Variants in PLEKHH1 observed in about 807,000 individuals in gnomAD.
PLEKHH1 encodes the protein pleckstrin homology, MyTH4 and FERM domain containing H1, also known as pleckstrin homology domain-containing family H member 1.
PLEKHH1 carries 104 observed loss-of-function variants against 160.0 expected under a neutral mutation model. The observed-to-expected ratio is 0.65, with a 90% CI of 0.55 to 0.76. The LOEUF (loss-of-function observed/expected upper bound fraction) is 0.76. Ranked by LOEUF, PLEKHH1 falls within the 30% of genes least tolerant of loss-of-function variation. The probability of loss-of-function intolerance (pLI) is 0.00; values close to 1 mark genes in which losing one functional copy is unlikely to be tolerated. For synonymous variants in PLEKHH1, 619 were observed against 678.4 expected (o/e 0.91, Z 1.36); for missense variants, 1,427 against 1,724.1 (o/e 0.83, Z 3.05).
chr14:67,561,954 C>A lies in PLEKHH1; in HGVS notation c.424C>A (p.Leu142Ile). 6.2e-7 allele frequency: 1 copy of A among 1,611,584 alleles called. No homozygotes were observed. Among genetic ancestry groups the A allele is most frequent in the Non-Finnish European group, 8.5e-7 (1 of 1,178,060 alleles). The change falls in exon 6 of 29, where the codon CTT (leucine) becomes ATT (isoleucine). Residue 142 changes from leucine (L) to isoleucine (I), a missense_variant and splice_region_variant. Physicochemically the swap from Leu to Ile is conservative, Grantham distance 5 (BLOSUM62 2). This residue lies in a region of PLEKHH1 where 831 missense variants were observed against 929.2 expected (regional missense o/e 0.89). Transcript: ENST00000329153. ...KEWVTLKLAK[L>I]EMENQHLKSH... is the part of the protein sequence containing the mutation. ...AATCTTCATTTTTCTTTTTGCTCAG[C>A]TTGAGATGGAGAATCAGCATCTGAA...
intron 15 of PLEKHH1, 146 bp from the exon 16 acceptor site, chr14:67,575,677 G>C: frequency 2.8e-6 from 2 of 725,956 alleles, no homozygotes; most frequent in Admixed American, 2.3e-5. Context: ...CTGCCAGCCT[G>C]GCTGGGATGC....
intron 2 of PLEKHH1, among the ~76,000 whole-genome samples, chr14:67,549,152 G>A (rs2034294236): frequency 6.6e-6 from 1 of 152,218 alleles, no homozygotes; most frequent in Non-Finnish European, 1.5e-5. Flanking sequence ...AAATCATCAT[G>A]GAATGGGTCT....
At chr14:67,550,724 T>C (rs2034363954) in intron 2 of PLEKHH1, among the ~76,000 whole-genome samples, 1 of 152,222 alleles carries the variant, frequency 6.6e-6, no homozygotes, top group Non-Finnish European at 1.5e-5. Flanking sequence ...AAGATGTATA[T>C]GGAATCTGGA....
intron 2 of PLEKHH1, among the ~76,000 whole-genome samples, chr14:67,544,190 AT>A (rs2034086002): frequency 6.6e-6 from 1 of 152,242 alleles, no homozygotes; most frequent in Non-Finnish European, 1.5e-5. Context: ...AAGGAAAATC[AT>A]TCACTGGCAC....
chr14:67,562,082 G>A (rs777058974), intron 6 of PLEKHH1, 47 bp downstream of exon 6: 3 of 1,604,580 alleles, frequency 1.9e-6, no homozygotes, highest in Non-Finnish European at 1.7e-6. Context: ...TGTTTGGTGG[G>A]TATGGGGCTG....
chr14:67,545,989 T>G (rs2034162107), intron 2 of PLEKHH1, among the ~76,000 whole-genome samples: 1 of 151,268 alleles, frequency 6.6e-6, no homozygotes, highest in Non-Finnish European at 1.5e-5. Flanking sequence ...ATTACAACAG[T>G]TAGAACCATT....
chr14:67,565,938 G>A (rs745720768), intron 7 of PLEKHH1, among the ~76,000 whole-genome samples: 2 of 152,124 alleles, frequency 1.3e-5, no homozygotes, highest in Admixed American at 1.3e-4. Flanking sequence ...TGGCCAACAT[G>A]GCGAAACCCC....
intron 2 of PLEKHH1, among the ~76,000 whole-genome samples, chr14:67,550,621 G>C (rs1481417045): frequency 6.6e-6 from 1 of 152,232 alleles, no homozygotes; most frequent in Non-Finnish European, 1.5e-5. Context: ...GAAAACGTGA[G>C]GGGAAGGGCT....
rs749453340 is a variant in PLEKHH1 at position 67,584,076 on chromosome 14, C to G, written c.3651C>G (p.Thr1217=). 2.5e-6 allele frequency: 4 copies of G among 1,613,968 alleles called. No individual in the cohort carries two copies. Among genetic ancestry groups the G allele is most frequent in the South Asian group, 1.1e-5 (1 of 91,076 alleles). Residue 1217 remains threonine (T), a synonymous_variant, in exon 26 of 29, where the codon ACC becomes ACG. Transcript: ENST00000329153. Reference sequence around the variant, plus strand: ...CTGAGTGCATCCGCATCTACCTGACCGTGGCCAGGAAATGGCCTTTCTTTG... The same window carrying G: ...CTGAGTGCATCCGCATCTACCTGACGGTGGCCAGGAAATGGCCTTTCTTTG... ...SPPECIRIYL[T]VARKWPFFGA...
chr14:67,579,538 C>T, intron 21 of PLEKHH1, 183 bp from the exon 22 acceptor site: 5 of 659,486 alleles, frequency 7.6e-6, no homozygotes, highest in East Asian at 2.8e-5. Flanking sequence ...AGTTCATTTA[C>T]AGTGGATAAG....
intron 27 of PLEKHH1, 128 bp downstream of exon 27, chr14:67,585,782 C>T: frequency 1.0e-6 from 1 of 995,242 alleles, no homozygotes; most frequent in Admixed American, 2.3e-5. Flanking sequence ...TGCCCAAGCA[C>T]CAGTCCTCTA....
intron 28 of PLEKHH1, chr14:67,586,364 C>G (rs999879420): frequency 7.1e-7 from 1 of 1,405,612 alleles, no homozygotes; most frequent in Non-Finnish European, 9.4e-7. Flanking sequence ...TTTATTCTCT[C>G]AAGCCCCAGC....
intron 2 of PLEKHH1, among the ~76,000 whole-genome samples, chr14:67,548,280 C>T (rs1251790278): frequency 6.6e-6 from 1 of 152,164 alleles, no homozygotes; most frequent in East Asian, 1.9e-4. Flanking sequence ...TAGTATCTAT[C>T]CACAAAAGAG....
chr14:67,576,096 A>C lies in PLEKHH1; in HGVS notation c.2352+91A>C. 1 of 1,051,348 alleles carries C rather than the reference A, an allele frequency of 9.5e-7. No homozygotes were observed. The highest frequency in any genetic ancestry group is 1.4e-6 in the Non-Finnish European group (1 of 717,058). 65.1% of individuals were successfully genotyped at this position (1,051,348 alleles called of 1,614,324 possible). ...TTTCTCCTGAGCTTCCCAAAATTCA[A>C]ATTTATTTCCTTTTGGACACTTTGG... On this transcript the variant is annotated intron_variant, in intron 16 of 28. Coordinates refer to ENST00000329153, the MANE Select transcript of PLEKHH1 (RefSeq NM_020715.3). This position sits in a 1 kb window ranked among gnomAD's most constrained non-coding sequence, Gnocchi z 4.0.
intron 2 of PLEKHH1, among the ~76,000 whole-genome samples, chr14:67,547,153 A>T (rs1271760411): frequency 6.6e-6 from 1 of 152,180 alleles, no homozygotes; most frequent in Admixed American, 6.5e-5. Flanking sequence ...TGATGAGTCA[A>T]GAAAGGGGAA....
At position 67,589,469 on chromosome 14, in the gene PLEKHH1, CT is replaced by C. The variant is rs2036301212; in HGVS notation, c.*2236del. 1.0e-6 allele frequency: 1 copy of C among 985,038 alleles called. No individual in the cohort carries two copies. The highest frequency in any genetic ancestry group is 4.7e-5 in the South Asian group (1 of 21,288). 61.0% of individuals were successfully genotyped at this position (985,038 alleles called of 1,614,324 possible). On this transcript the variant is annotated 3_prime_UTR_variant, in exon 29 of 29. Transcript: ENST00000329153. ...TGAGTAACAGAAAAGTATTAATGTG[CT>C]TGACACCATGACTGAAATACTATGA...
chr14:67,587,466 A>G lies in PLEKHH1; in HGVS notation c.*231A>G, dbSNP rs558559469. On this transcript the variant is annotated 3_prime_UTR_variant, in exon 29 of 29. Coordinates refer to ENST00000329153, the MANE Select transcript of PLEKHH1 (RefSeq NM_020715.3). ...GTTAAAACCATTTATTCCTTTTTTC[A>G]TAAGAATAATGACTCCAGATGCTAC... is the stretch of plus-strand genomic sequence containing the variant. 79 of 565,592 alleles carry G rather than the reference A, an allele frequency of 1.4e-4. No individual in the cohort carries two copies. Among genetic ancestry groups the G allele is most frequent in the African/African-American group, 1.4e-3 (72 of 53,188 alleles). The allele number at this position is 565,592 out of a possible 1,614,324, so 35.0% of individuals were successfully genotyped here. A position where few individuals can be genotyped will look rare whatever the true frequency, so the allele number is the denominator to read the frequency against.
Position 67,575,430 on chromosome 14 carries a change from T to C in PLEKHH1, c.2127T>C (p.Leu709=). Reference sequence around the variant, plus strand: ...ACTCCAAGGTGGTCTGGTGCGCTCTTGTTGGGAAAATCTTCTACTACTATC... The same window carrying C: ...ACTCCAAGGTGGTCTGGTGCGCTCTCGTTGGGAAAATCTTCTACTACTATC... ...HGHSKVVWCA[L]VGKIFYYYRS... Residue 709 remains leucine (L), a synonymous_variant, in exon 15 of 29, where the codon CTT becomes CTC. Coordinates refer to ENST00000329153, the MANE Select transcript of PLEKHH1 (RefSeq NM_020715.3). 1.9e-6 allele frequency: 3 copies of C among 1,610,472 alleles called. No individual in the cohort carries two copies. Among genetic ancestry groups the C allele is most frequent in the South Asian group, 1.1e-5 (1 of 89,918 alleles).
chr14:67,574,393 G>T lies in PLEKHH1; in HGVS notation c.2078G>T (p.Trp693Leu). Reference protein sequence around the residue: ...RGGTKPTVKGWLTKVKHGHSK... With the variant: ...RGGTKPTVKGLLTKVKHGHSK... ...GGCACCAAGCCCACCGTGAAGGGCT[G>T]GCTGACCAAGGTAGAGGGTGGGGCT... Residue 693 changes from tryptophan to leucine, a missense_variant, in exon 14 of 29, where the codon TGG becomes TTG. Trp to Leu is a moderately conservative substitution (Grantham distance 61). Around this residue, in one of 6 missense-constraint regions of PLEKHH1, gnomAD observed 831 missense variants for 929.2 expected, o/e 0.89. Transcript: ENST00000329153. This position sits in a 1 kb window ranked among gnomAD's most constrained non-coding sequence, Gnocchi z 4.2. 1 of 1,572,154 alleles carries T rather than the reference G, an allele frequency of 6.4e-7. No individual in the cohort carries two copies.
Sources: allele counts gnomAD v4.1 joint callset (sites outside exome capture counted in the v4.1 genomes callset), GRCh38; gene constraint gnomAD v4.1.1; regional missense constraint gnomAD v4.1.1; non-coding constraint Gnocchi (gnomAD v3.1); transcripts MANE v1.5; gene names NCBI Gene and HGNC (gene_info 2026-07-23, HGNC 2026-07-21).